Variants in ZMYM4 observed in about 807,000 individuals in gnomAD.
ZMYM4 encodes zinc finger MYM-type protein 4.
A neutral mutation model predicts 183.2 loss-of-function variants in ZMYM4; 31 were observed. The ratio of observed to expected loss-of-function variants is 0.17; its 90% CI spans 0.13 to 0.23. The LOEUF is 0.23. ZMYM4 is among the 10% of genes least tolerant of loss of function. The probability of loss-of-function intolerance (pLI) is 1.00; values close to 1 mark genes in which losing one functional copy is unlikely to be tolerated. For missense variants in ZMYM4, 1,273 were observed against 1,840.3 expected, an observed-to-expected ratio of 0.69 and a Z score of 5.64; for synonymous variants, 592 against 631.2, an observed-to-expected ratio of 0.94 and a Z score of 0.93.
chr1:35,320,069 T>A (rs1642218528), intron 1 of ZMYM4, among the ~76,000 whole-genome samples: 1 of 152,200 alleles, frequency 6.6e-6, no homozygotes, highest in Admixed American at 6.5e-5. Flanking sequence ...TAATAGGAAA[T>A]ACATATTTGG....
At chr1:35,352,386 GCACACACACACACACACACACACACA>G (rs374281470) in intron 2 of ZMYM4, among the ~76,000 whole-genome samples, 1 of 128,394 alleles carries the variant, frequency 7.8e-6, no homozygotes, top group Non-Finnish European at 1.7e-5. Flanking sequence ...AAAAATTAGC[GCACACACACACACACACACACACACA>G]CACACACACA....
At chr1:35,290,247 C>T (rs888538852) in intron 1 of ZMYM4, among the ~76,000 whole-genome samples, 5 of 152,176 alleles carry the variant, frequency 3.3e-5, no homozygotes, top group Admixed American at 6.5e-5. Context: ...GGATTACAGG[C>T]GTGAGCCATC....
intron 2 of ZMYM4, among the ~76,000 whole-genome samples, chr1:35,352,892 A>G (rs941544750): frequency 2.6e-5 from 4 of 152,166 alleles, no homozygotes; most frequent in African/African-American, 9.7e-5. Context: ...CCATCTCTTC[A>G]TTGATGAGTC....
chr1:35,335,680 C>T (rs910939066), intron 2 of ZMYM4, among the ~76,000 whole-genome samples: 2 of 152,136 alleles, frequency 1.3e-5, no homozygotes, highest in East Asian at 1.9e-4. Flanking sequence ...GGGCCAGGCG[C>T]AGTGGCTCAA....
intron 1 of ZMYM4, among the ~76,000 whole-genome samples, chr1:35,321,471 A>T (rs1642278639): frequency 6.6e-6 from 1 of 152,062 alleles, no homozygotes; most frequent in Non-Finnish European, 1.5e-5. Flanking sequence ...CAGGATGGGG[A>T]TGTAATGGGA....
intron 1 of ZMYM4, among the ~76,000 whole-genome samples, chr1:35,278,196 A>G (rs10908390): frequency 0.034 from 5,130 of 151,218 alleles, 263 homozygotes; most frequent in East Asian, 0.25. Flanking sequence ...CTTAGGGTCT[A>G]CCTTATTCCT....
intron 2 of ZMYM4, among the ~76,000 whole-genome samples, chr1:35,349,515 G>C (rs950949010): frequency 6.6e-6 from 1 of 152,066 alleles, no homozygotes; most frequent in Non-Finnish European, 1.5e-5. Flanking sequence ...CAGATAGTCA[G>C]ATCATCCCTT....
intron 1 of ZMYM4, among the ~76,000 whole-genome samples, chr1:35,271,095 G>T (rs1003776623): frequency 6.6e-6 from 1 of 152,058 alleles, no homozygotes; most frequent in Non-Finnish European, 1.5e-5. Flanking sequence ...ACTGTGCTTG[G>T]ATGAAGGCAT....
At position 35,345,724 on chromosome 1, in the gene ZMYM4, A is replaced by C. The variant is rs566199547; in HGVS notation, c.86-13201A>C. On this transcript the variant is annotated intron_variant, in intron 2 of 29. Coordinates refer to ENST00000314607, the MANE Select transcript of ZMYM4 (RefSeq NM_005095.3). ...GGCCTCCCAAAGTGCTGGGATTACA[A>C]CCGTGAGCCACTGTACCCAGCCTCC... 8.5e-5 allele frequency among the ~76,000 whole-genome samples: 13 copies of C among 152,252 alleles called. 2 individuals carry two copies. The highest frequency in any genetic ancestry group is 2.6e-4 in the African/African-American group (11 of 41,572).
intron 23 of ZMYM4, among the ~76,000 whole-genome samples, chr1:35,402,015 G>A (rs1204501217): frequency 6.6e-6 from 1 of 151,288 alleles, no homozygotes; most frequent in African/African-American, 2.4e-5. Context: ...TGATTTTACA[G>A]TGAGCCTGGA....
intron 9 of ZMYM4, among the ~76,000 whole-genome samples, chr1:35,382,155 AAAAC>A (rs1201769130): frequency 6.7e-6 from 1 of 149,336 alleles, no homozygotes; most frequent in Non-Finnish European, 1.5e-5. Context: ...CAAAAAAAAA[AAAAC>A]AAAAATGTAT....
intron 5 of ZMYM4, among the ~76,000 whole-genome samples, chr1:35,367,708 G>A (rs1644119485): frequency 6.6e-6 from 1 of 152,158 alleles, no homozygotes; most frequent in Non-Finnish European, 1.5e-5. Context: ...TGGGCATGGT[G>A]GCTTATGCCT....
At chr1:35,291,023 A>G (rs1640734303) in intron 1 of ZMYM4, among the ~76,000 whole-genome samples, 1 of 152,178 alleles carries the variant, frequency 6.6e-6, no homozygotes, top group African/African-American at 2.4e-5. Context: ...CTTTCATTGT[A>G]CAGTTCTGTA....
At chr1:35,300,016 C>T (rs1641205952) in intron 1 of ZMYM4, among the ~76,000 whole-genome samples, 2 of 152,024 alleles carry the variant, frequency 1.3e-5, no homozygotes, top group African/African-American at 2.4e-5. Context: ...AGGATGGTCT[C>T]GATCTCCTGA....
intron 2 of ZMYM4, among the ~76,000 whole-genome samples, chr1:35,343,632 A>G (rs1643283761): frequency 6.6e-6 from 1 of 152,176 alleles, no homozygotes. Flanking sequence ...TGGGAGGCCA[A>G]GGCGGGCGGA....
intron 5 of ZMYM4, among the ~76,000 whole-genome samples, chr1:35,366,978 C>T (rs556352456): frequency 5.3e-5 from 8 of 149,864 alleles, no homozygotes; most frequent in Admixed American, 4.0e-4. Flanking sequence ...GAGCCAAGAT[C>T]GCACCATCGT....
intron 7 of ZMYM4, among the ~76,000 whole-genome samples, chr1:35,379,455 C>G (rs1018118646): frequency 6.6e-6 from 1 of 152,184 alleles, no homozygotes; most frequent in Non-Finnish European, 1.5e-5. Context: ...AGACTCGTCT[C>G]CAACTCCTGA....
At chr1:35,314,944 TAACCCA>T (rs1641977660) in intron 1 of ZMYM4, among the ~76,000 whole-genome samples, 1 of 151,578 alleles carries the variant, frequency 6.6e-6, no homozygotes, top group African/African-American at 2.4e-5. Context: ...AGAATTGCTT[TAACCCA>T]GGAGGCAGAG....
At chr1:35,323,150 C>T (rs1203149800) in intron 1 of ZMYM4, among the ~76,000 whole-genome samples, 6 of 151,506 alleles carry the variant, frequency 4.0e-5, no homozygotes, top group Non-Finnish European at 7.4e-5. Flanking sequence ...TACAGGTGCC[C>T]GCCACCACGC....
Sources: gnomAD v4.1 joint callset for allele counts (sites outside exome capture counted in the v4.1 genomes callset) on GRCh38, gnomAD v4.1.1 for gene constraint, MANE v1.5 for transcripts, NCBI Gene and HGNC (gene_info 2026-07-23, HGNC 2026-07-21) for gene names.